Variants in MGAT5B observed in about 807,000 individuals in gnomAD.
MGAT5B encodes the protein N-acetylglucosaminyl-transferase Vb.
A neutral mutation model predicts 95.1 loss-of-function variants in MGAT5B; 54 were observed. The observed-to-expected ratio is 0.57, with a 90% CI of 0.46 to 0.71. The LOEUF is 0.71. MGAT5B is among the 30% of genes least tolerant of loss of function. The pLI, the probability that MGAT5B is intolerant of heterozygous loss-of-function variation, is 0.00. For missense variants in MGAT5B, 935 were observed against 1,088.6 expected (o/e 0.86, Z 1.99); for synonymous variants, 464 against 451.0 (o/e 1.03, Z -0.36).
chr17:76,923,604 G>A (rs182109273), intron 8 of MGAT5B, among the ~76,000 whole-genome samples: 271 of 152,232 alleles, frequency 1.8e-3, no homozygotes, highest in Non-Finnish European at 1.4e-3. Context: ...CCACCAATGG[G>A]CCTCTCCTCA....
intron 11 of MGAT5B, 69 bp downstream of exon 11, chr17:76,932,844 C>A (rs893540883): frequency 8.9e-6 from 14 of 1,573,668 alleles, no homozygotes; most frequent in Non-Finnish European, 1.2e-5. Context: ...GGTCCCGCAT[C>A]TCCTCCTTCC....
rs77656733 is a variant in MGAT5B, at chr17:76,912,825, G to A, written c.1025+6638G>A. Reference sequence around the variant, plus strand: ...GCCCCGCCGTGTGCGGAGGGAAGAAGCCAAACCCTAGTGCCTGCCCAGCCG... The same window carrying A: ...GCCCCGCCGTGTGCGGAGGGAAGAAACCAAACCCTAGTGCCTGCCCAGCCG... On this transcript the variant is annotated intron_variant, in intron 8 of 17. Transcript: ENST00000569840. This position sits in a 1 kb window ranked among gnomAD's most constrained non-coding sequence, Gnocchi z 5.0. 4.8e-3 allele frequency among the ~76,000 whole-genome samples: 729 copies of A among 152,294 alleles called. 41 individuals carry two copies. The East Asian group carries it at 0.11, about 23-fold the overall frequency.
intron 2 of MGAT5B, among the ~76,000 whole-genome samples, chr17:76,877,675 C>T (rs945756567): frequency 2.6e-5 from 4 of 152,178 alleles, no homozygotes; most frequent in South Asian, 2.1e-4. Context: ...CTGGTTTCTG[C>T]GGTGAGCGAG....
At chr17:76,895,139 A>T (rs752191363) in intron 3 of MGAT5B, among the ~76,000 whole-genome samples, 1 of 152,110 alleles carries the variant, frequency 6.6e-6, no homozygotes, top group Non-Finnish European at 1.5e-5. Context: ...TTAGATTCTT[A>T]TAGGCGTGAA....
In MGAT5B at chr17:76,882,213, G is replaced by A. The variant is rs768861406; in HGVS notation, c.244G>A (p.Val82Met). The A allele has an allele frequency of 5.6e-6, 9 of 1,613,564 alleles. No homozygotes were observed. In the East Asian group the frequency reaches 1.8e-4, roughly 32 times the overall value. The change falls in exon 3 of 18, where the codon GTG becomes ATG. Residue 82 changes from valine to methionine, a missense_variant. Transcript: ENST00000569840. ...GATGAGCGACCTGCTGGAGCTGATG[G>A]TGAAGCGCATGGACGCACTGGCCAG... Reference protein sequence around the residue: ...RKMSDLLELMVKRMDALARLE... With the variant: ...RKMSDLLELMMKRMDALARLE...
At chr17:76,935,833 ATTATATAC>A (rs1969637264) in intron 12 of MGAT5B, among the ~76,000 whole-genome samples, 1 of 112,460 alleles carries the variant, frequency 8.9e-6, no homozygotes, top group African/African-American at 3.3e-5. Flanking sequence ...TATACTATAT[ATTATATAC>A]ATTATATATA....
At chr17:76,939,487 C>T (rs4789382) in intron 13 of MGAT5B, among the ~76,000 whole-genome samples, 76,673 of 151,832 alleles carry the variant, frequency 0.5, 19,671 homozygotes, top group African/African-American at 0.54. Flanking sequence ...GCACTCCAGC[C>T]TGGTGACAGA....
chr17:76,905,311 C>A lies in MGAT5B; in HGVS notation c.833C>A (p.Ala278Asp). Residue 278 changes from alanine (A) to aspartate (D), a missense_variant, in exon 7 of 18, where the codon GCC becomes GAC. By Grantham distance (126) the Ala-to-Asp change is moderately radical. This residue lies in a region of MGAT5B where 243 missense variants were observed against 305.5 expected (regional missense o/e 0.80). Coordinates refer to ENST00000569840, the MANE Select transcript of MGAT5B (RefSeq NM_001199172.2). This position sits in a 1 kb window ranked among gnomAD's most constrained non-coding sequence, Gnocchi z 4.2. The part of the protein sequence containing the change: ...AAQRLAQKLG[A>D]TQRDQKQILV... ...CAGCGCCTGGCACAGAAGCTGGGGG[C>A]CACCCAGAGGGACCAGAAGCAGGTG... is the stretch of plus-strand genomic sequence containing the variant. The A allele has an allele frequency of 1.9e-6, 3 of 1,597,590 alleles. No homozygotes were observed. Among genetic ancestry groups the A allele is most frequent in the Non-Finnish European group, 2.6e-6 (3 of 1,168,376 alleles).
chr17:76,911,453 T>TG (rs879284551), intron 8 of MGAT5B, among the ~76,000 whole-genome samples: 12 of 152,120 alleles, frequency 7.9e-5, no homozygotes, highest in Non-Finnish European at 2.9e-5. Context: ...TGTGGCTTAG[T>TG]GGGGGGTTGG....
At position 76,884,183 on chromosome 17, in the gene MGAT5B, T is replaced by TA. The variant is rs546563159; in HGVS notation, c.329+1888dup. ...CACAACCATCTTATGGTTTAATCTT[T>TA]AAAGATTTAATTAAATCTTTACTCT... On this transcript the variant is annotated intron_variant, in intron 3 of 17. Transcript: ENST00000569840. Among the ~76,000 whole-genome samples the TA allele has an allele frequency of 4.2e-4, 64 of 152,328 alleles. 2 individuals carry two copies. The East Asian group carries it at 0.012, about 28-fold the overall frequency.
At position 76,940,498 on chromosome 17, in the gene MGAT5B, C is replaced by T; in HGVS notation, c.1681C>T (p.His561Tyr). Residue 561 changes from histidine (H) to tyrosine (Y), a missense_variant, in exon 14 of 18, where the codon CAC becomes TAC. Around this residue, in one of 4 missense-constraint regions of MGAT5B, gnomAD observed 440 missense variants for 523.6 expected, o/e 0.84. Transcript: ENST00000569840. This position sits in a 1 kb window ranked among gnomAD's most constrained non-coding sequence, Gnocchi z 4.3. ...CCTGCAGTCCCGCTTCAGCCCGCCC[C>T]ACAGCTCCCTCAACCACGAGTTCTT... ...IFLQSRFSPPHSSLNHEFFRG... is the reference protein window; with the variant it reads ...IFLQSRFSPPYSSLNHEFFRG... The T allele has an allele frequency of 6.2e-7, 1 of 1,613,926 alleles. No individual in the cohort carries two copies. The highest frequency in any genetic ancestry group is 1.7e-5 in the Admixed American group (1 of 60,002).
intron 12 of MGAT5B, among the ~76,000 whole-genome samples, chr17:76,934,426 C>T (rs549022294): frequency 9.9e-5 from 15 of 152,240 alleles, no homozygotes; most frequent in African/African-American, 3.6e-4. Context: ...CATTATGAAG[C>T]CTTGGAGAAT....
At chr17:76,872,480 G>A (rs112648949) in intron 1 of MGAT5B, among the ~76,000 whole-genome samples, 13 of 152,348 alleles carry the variant, frequency 8.5e-5, no homozygotes, top group African/African-American at 2.6e-4. Context: ...GTCTGGGCCC[G>A]GCATTGGCAT....
Position 76,940,568 on chromosome 17 carries a change from G to A in MGAT5B, c.1731+20G>A. 1 of 1,599,350 alleles carries A rather than the reference G, an allele frequency of 6.3e-7. No homozygotes were observed. Among genetic ancestry groups the A allele is most frequent in the Non-Finnish European group, 8.5e-7 (1 of 1,169,930 alleles). ...AGAGAGGTGAGTGGAAAGCATCCTG[G>A]TCCCCGATCAGGAGGGGCCGGGACA... On this transcript the variant is annotated intron_variant, in intron 14 of 17. Coordinates refer to ENST00000569840, the MANE Select transcript of MGAT5B (RefSeq NM_001199172.2). This position sits in a 1 kb window ranked among gnomAD's most constrained non-coding sequence, Gnocchi z 4.3.
Position 76,914,613 on chromosome 17 carries a change from G to A in MGAT5B, c.1025+8426G>A, listed in dbSNP as rs1188969374. ...CGTCCACATCTCTTCCTCCCTCCATGCATGACTCTGTGTCCACATTTCTTC... is the reference window on the plus strand; with the variant it reads ...CGTCCACATCTCTTCCTCCCTCCATACATGACTCTGTGTCCACATTTCTTC... On this transcript the variant is annotated intron_variant, in intron 8 of 17. Transcript: ENST00000569840. This position sits in a 1 kb window ranked among gnomAD's most constrained non-coding sequence, Gnocchi z 5.1. 6.6e-6 allele frequency among the ~76,000 whole-genome samples: 1 copy of A among 151,410 alleles called. No individual in the cohort carries two copies. Among genetic ancestry groups the A allele is most frequent in the Non-Finnish European group, 1.5e-5 (1 of 67,912 alleles).
At position 76,870,581 on chromosome 17, in the gene MGAT5B, G is replaced by A. The variant is rs1349083001; in HGVS notation, c.68+1484G>A. ...CACCACGGACAGTGCTCGCGACCCA[G>A]GGCTGCTTCCCTGTCTGGTCCTGCC... On this transcript the variant is annotated intron_variant, in intron 1 of 17. Transcript: ENST00000569840. This position sits in a 1 kb window ranked among gnomAD's most constrained non-coding sequence, Gnocchi z 5.0. Among the ~76,000 whole-genome samples the A allele has an allele frequency of 6.6e-6, 1 of 152,180 alleles. No individual in the cohort carries two copies. The highest frequency in any genetic ancestry group is 1.5e-5 in the Non-Finnish European group (1 of 68,016).
At chr17:76,880,877 C>T (rs888077670) in intron 2 of MGAT5B, among the ~76,000 whole-genome samples, 9 of 152,108 alleles carry the variant, frequency 5.9e-5, no homozygotes, top group South Asian at 2.1e-4. Context: ...CATTAGCTCC[C>T]GGTTAAACTA....
At position 76,905,916 on chromosome 17, in the gene MGAT5B, G is replaced by A. The variant is rs893116820; in HGVS notation, c.856-102G>A. 2.3e-6 allele frequency: 3 copies of A among 1,330,338 alleles called. No homozygotes were observed. In the Admixed American group the frequency reaches 7.5e-5, roughly 33 times the overall value. 82.4% of individuals were successfully genotyped at this position (1,330,338 alleles called of 1,614,324 possible). ...AGCACCTGCTGGGGCCCAGCCTGGA[G>A]ACAGGGTCTGCTGCCGGCTGGTCTC... On this transcript the variant is annotated intron_variant, in intron 7 of 17. Transcript: ENST00000569840. The surrounding 1 kb of genome is among the most constrained non-coding windows in gnomAD (Gnocchi z 4.2).
At position 76,940,698 on chromosome 17, in the gene MGAT5B, C is replaced by CG. The variant is rs776846931; in HGVS notation, c.1732-28dup. 41 of 1,607,798 alleles carry CG rather than the reference C, an allele frequency of 2.6e-5. No individual in the cohort carries two copies. The highest frequency in any genetic ancestry group is 3.3e-5 in the Non-Finnish European group (39 of 1,175,024). ...TTTGTCCCTGTCCCACTGGCAGGCA[C>CG]GGGGGGCATCTGCAATCTCTGTACC... On this transcript the variant is annotated intron_variant, in intron 14 of 17. Transcript: ENST00000569840. This position sits in a 1 kb window ranked among gnomAD's most constrained non-coding sequence, Gnocchi z 4.3.
Sources: gnomAD v4.1 joint callset for allele counts (sites outside exome capture counted in the v4.1 genomes callset) on GRCh38, gnomAD v4.1.1 for gene constraint, gnomAD v4.1.1 regional missense constraint, Gnocchi (gnomAD v3.1) non-coding constraint, MANE v1.5 for transcripts, NCBI Gene and HGNC (gene_info 2026-07-23, HGNC 2026-07-21) for gene names.